The following ATRNL1 variants were observed in gnomAD, a reference collection of about 807,000 sequenced individuals.
ATRNL1 encodes the protein attractin-like protein 1.
ATRNL1 carries 95 observed loss-of-function variants against 182.7 expected under a neutral mutation model. The observed-to-expected ratio is 0.52, with a 90% CI of 0.44 to 0.62. The LOEUF is 0.62. Among genes scored for constraint, ATRNL1 ranks in the 20% least tolerant of loss-of-function variants. The pLI, the probability that ATRNL1 is intolerant of heterozygous loss-of-function variation, is 0.00. For missense variants in ATRNL1, 1,471 were observed against 1,679.5 expected (o/e 0.88, Z 2.17); for synonymous variants, 576 against 568.3 (o/e 1.01, Z -0.19).
At chr10:115,536,022 G>A (rs1362351305) in intron 25 of ATRNL1, among the ~76,000 whole-genome samples, 1 of 151,698 alleles carries the variant, frequency 6.6e-6, no homozygotes, top group Admixed American at 6.6e-5. Context: ...GCCCCTACTG[G>A]GGGGAGCCTC....
At chr10:115,579,693 T>C (rs1450850466) in intron 26 of ATRNL1, among the ~76,000 whole-genome samples, 3 of 151,954 alleles carry the variant, frequency 2.0e-5, no homozygotes, top group Non-Finnish European at 2.9e-5. Context: ...TATATCTTTT[T>C]ATTGGGTAGC....
chr10:115,226,827 G>T (rs1439494677), intron 9 of ATRNL1, among the ~76,000 whole-genome samples: 1 of 152,116 alleles, frequency 6.6e-6, no homozygotes, highest in African/African-American at 2.4e-5. Flanking sequence ...AAGCAATGAG[G>T]AAAGGACTCC....
At position 115,634,848 on chromosome 10, in the gene ATRNL1, A is replaced by G. The variant is rs116915204; in HGVS notation, c.3795+85312A>G. On this transcript the variant is annotated intron_variant, in intron 26 of 28. Transcript: ENST00000355044. ...ATGGCCTCTGATCTGCCACCACCTG[A>G]TAGTGTAGTTCCCAGAAAACCTTGA... 8.8e-3 allele frequency among the ~76,000 whole-genome samples: 1,333 copies of G among 152,252 alleles called. 10 individuals carry two copies. Among genetic ancestry groups the G allele is most frequent in the Non-Finnish European group, 0.014 (966 of 68,010 alleles).
intron 24 of ATRNL1, among the ~76,000 whole-genome samples, chr10:115,511,724 C>G (rs2133676316): frequency 6.6e-6 from 1 of 151,770 alleles, no homozygotes; most frequent in Middle Eastern, 3.4e-3. Context: ...AAATATTGAT[C>G]ATTATTATTA....
intron 27 of ATRNL1, among the ~76,000 whole-genome samples, chr10:115,777,274 G>A (rs1263546248): frequency 6.6e-6 from 1 of 152,032 alleles, no homozygotes; most frequent in Non-Finnish European, 1.5e-5. Context: ...AAAGTACAAG[G>A]ATTTTAAAAT....
chr10:115,394,696 G>C lies in ATRNL1; in HGVS notation c.3213G>C (p.Leu1071=), dbSNP rs545761137. ...GTGGCCATGCAAATATCTGTCATCT[G>C]CACACAGGAAAATGTTTCTGCACAA... ...TCSGHANICH[L]HTGKCFCTTK... The change falls in exon 20 of 29, where the codon CTG becomes CTC. Residue 1071 remains leucine (L), a synonymous_variant. Coordinates refer to ENST00000355044, the MANE Select transcript of ATRNL1 (RefSeq NM_207303.4). The C allele has an allele frequency of 1.2e-6, 2 of 1,611,122 alleles. No individual in the cohort carries two copies. The highest frequency in any genetic ancestry group is 2.2e-5 in the South Asian group (2 of 90,692).
chr10:115,869,144 T>C (rs530688774), intron 28 of ATRNL1, among the ~76,000 whole-genome samples: 12 of 152,260 alleles, frequency 7.9e-5, no homozygotes, highest in Non-Finnish European at 1.6e-4. Flanking sequence ...TTTATTCTTT[T>C]AATTGGTGGC....
intron 21 of ATRNL1, among the ~76,000 whole-genome samples, chr10:115,455,975 T>C (rs1204140520): frequency 1.3e-5 from 2 of 152,036 alleles, no homozygotes; most frequent in Non-Finnish European, 2.9e-5. Context: ...CATTAAAAAG[T>C]CAGGAAACAA....
At chr10:115,789,523 C>A (rs1278870671) in intron 27 of ATRNL1, among the ~76,000 whole-genome samples, 1 of 152,160 alleles carries the variant, frequency 6.6e-6, no homozygotes, top group Admixed American at 6.5e-5. Context: ...GCTGAAAGGG[C>A]TCAACTGCGG....
intron 13 of ATRNL1, among the ~76,000 whole-genome samples, chr10:115,276,084 G>A (rs1554914770): frequency 2.0e-5 from 3 of 152,072 alleles, no homozygotes; most frequent in Non-Finnish European, 4.4e-5. Flanking sequence ...AGATCTTGGT[G>A]GTAGTAGATT....
intron 25 of ATRNL1, among the ~76,000 whole-genome samples, chr10:115,547,566 A>G (rs1554994169): frequency 6.6e-6 from 1 of 152,086 alleles, no homozygotes; most frequent in African/African-American, 2.4e-5. Flanking sequence ...CTTTGGGGGC[A>G]AGAGAAAAGA....
Position 115,270,078 on chromosome 10 carries a change from G to A in ATRNL1, c.2100+1634G>A, listed in dbSNP as rs1409419822. 3.3e-5 allele frequency among the ~76,000 whole-genome samples: 5 copies of A among 151,216 alleles called. No homozygotes were observed. The East Asian group carries it at 9.7e-4, about 29-fold the overall frequency. On this transcript the variant is annotated intron_variant, in intron 13 of 28. Transcript: ENST00000355044. ...GTTATGCTTTGAAAATTTAAATTAC[G>A]TTTGAAGATATCCACTGATATTCAT...
At chr10:115,208,681 C>G (rs1199128404) in intron 8 of ATRNL1, among the ~76,000 whole-genome samples, 2 of 152,022 alleles carry the variant, frequency 1.3e-5, no homozygotes, top group African/African-American at 4.8e-5. Context: ...GTGTAAGACT[C>G]AAGAGGTGTT....
At chr10:115,211,544 G>C (rs555310166) in intron 8 of ATRNL1, among the ~76,000 whole-genome samples, 4 of 151,542 alleles carry the variant, frequency 2.6e-5, no homozygotes, top group Middle Eastern at 3.4e-3. Context: ...ACCTATTTAA[G>C]ATTTACTTAG....
At chr10:115,354,811 C>G (rs1278233359) in intron 19 of ATRNL1, among the ~76,000 whole-genome samples, 2 of 152,018 alleles carry the variant, frequency 1.3e-5, no homozygotes, top group Admixed American at 1.3e-4. Flanking sequence ...CTCTTTAAGA[C>G]CAGTGACTCT....
intron 28 of ATRNL1, among the ~76,000 whole-genome samples, chr10:115,883,944 G>A (rs141047665): frequency 6.6e-6 from 1 of 152,186 alleles, no homozygotes; most frequent in Non-Finnish European, 1.5e-5. Context: ...GAGTAGCTTG[G>A]TGTCCACTCT....
intron 26 of ATRNL1, among the ~76,000 whole-genome samples, chr10:115,603,041 T>TA (rs1441565865): frequency 3.6e-4 from 55 of 152,230 alleles, no homozygotes; most frequent in African/African-American, 1.2e-3. Flanking sequence ...AGTTCCTGAG[T>TA]AGCTTCTGTC....
chr10:115,371,040 C>T (rs1857367594), intron 19 of ATRNL1, among the ~76,000 whole-genome samples: 1 of 152,192 alleles, frequency 6.6e-6, no homozygotes, highest in South Asian at 2.1e-4. Flanking sequence ...TCAGAGAGTG[C>T]AAGCCCCAAG....
At position 115,947,894 on chromosome 10, in the gene ATRNL1, G is replaced by A. The variant is rs1217252039; in HGVS notation, c.*3115G>A. On this transcript the variant is annotated 3_prime_UTR_variant, in exon 29 of 29. Transcript: ENST00000355044. ...AGGGCGGTAATGGTGCCCACCTTTC[G>A]AGGCATTGCGAGGCTAGATGGTAAC... The A allele has an allele frequency of 3.3e-5, 5 of 152,278 alleles. No homozygotes were observed. Among genetic ancestry groups the A allele is most frequent in the South Asian group, 4.1e-4 (2 of 4,822 alleles). The allele number at this position is 152,278 out of a possible 1,614,324, so 9.4% of individuals were successfully genotyped here. A position where few individuals can be genotyped will look rare whatever the true frequency, so the allele number is the denominator to read the frequency against.
Sources: allele counts gnomAD v4.1 joint callset (sites outside exome capture counted in the v4.1 genomes callset), GRCh38; gene constraint gnomAD v4.1.1; transcripts MANE v1.5; gene names NCBI Gene and HGNC (gene_info 2026-07-23, HGNC 2026-07-21).